The following DCP1B variants were observed in gnomAD, a reference collection of about 807,000 sequenced individuals.
DCP1B encodes the protein mRNA-decapping enzyme 1B.
A neutral mutation model predicts 60.5 loss-of-function variants in DCP1B; 47 were observed. The ratio of observed to expected loss-of-function variants is 0.78; its 90% confidence interval spans 0.61 to 0.99. DCP1B has a LOEUF of 0.99. Among genes scored for constraint, DCP1B ranks in the 50% least tolerant of loss-of-function variants. The probability of loss-of-function intolerance (pLI) is 0.00; values close to 1 mark genes in which losing one functional copy is unlikely to be tolerated. For synonymous variants in DCP1B, 267 were observed against 280.3 expected (o/e 0.95, Z 0.47); for missense variants, 725 against 756.8 (o/e 0.96, Z 0.49).
At position 1,949,139 on chromosome 12, in the gene DCP1B, T is replaced by C; in HGVS notation, c.1720A>G (p.Ser574Gly). Residue 574 changes from serine to glycine, a missense_variant, in exon 8 of 9, where the codon AGC (serine) becomes GGC (glycine). By Grantham distance (56) the Ser-to-Gly change is moderately conservative. Coordinates refer to ENST00000280665, the MANE Select transcript of DCP1B (RefSeq NM_152640.5). The part of the protein sequence containing the change: ...IQSPEPSVIT[S>G]SPLTKLQLQE... ...AGCTGGAGCTTGGTGAGTGGGCTGCTGGTGATCACGGAGGGCTCCGGGCTC... is the reference window on the plus strand; with the variant it reads ...AGCTGGAGCTTGGTGAGTGGGCTGCCGGTGATCACGGAGGGCTCCGGGCTC... 1 of 1,614,124 alleles carries C rather than the reference T, an allele frequency of 6.2e-7. No individual in the cohort carries two copies. The highest frequency in any genetic ancestry group is 8.5e-7 in the Non-Finnish European group (1 of 1,180,012).
At chr12:1,989,199 C>G (rs573280257) in intron 3 of DCP1B, among the ~76,000 whole-genome samples, 10 of 152,188 alleles carry the variant, frequency 6.6e-5, no homozygotes, top group African/African-American at 2.2e-4. Context: ...GCCTGGGAAA[C>G]ACAGCAAGAT....
chr12:1,997,935 C>G lies in DCP1B; in HGVS notation c.191G>C (p.Arg64Thr). The change falls in exon 2 of 9, where the codon AGG becomes ACG. Residue 64 changes from arginine (R) to threonine (T), a missense_variant and splice_region_variant. By Grantham distance (71) the Arg-to-Thr change is moderately conservative. Transcript: ENST00000280665. ...DVEGTLFVYTRSASPKHGFTI... is the reference protein window; with the variant it reads ...DVEGTLFVYTTSASPKHGFTI... ...CTTTATAAAAGTGAAACACTCTTACCTTGTATAAACAAATAAGGTTCCTTC... is the reference window on the plus strand; with the variant it reads ...CTTTATAAAAGTGAAACACTCTTACGTTGTATAAACAAATAAGGTTCCTTC... 6 of 1,605,704 alleles carry G rather than the reference C, an allele frequency of 3.7e-6. No homozygotes were observed. The highest frequency in any genetic ancestry group is 4.3e-6 in the Non-Finnish European group (5 of 1,176,352).
intron 1 of DCP1B, among the ~76,000 whole-genome samples, chr12:1,998,300 A>G (rs1252972771): frequency 1.3e-5 from 2 of 152,260 alleles, no homozygotes; most frequent in African/African-American, 4.8e-5. Context: ...ATTAGAAAGA[A>G]GAGTGCTGCC....
intron 3 of DCP1B, among the ~76,000 whole-genome samples, chr12:1,979,911 A>T (rs557408465): frequency 3.3e-5 from 5 of 152,330 alleles, no homozygotes; most frequent in Admixed American, 6.5e-5. Context: ...GTAAAATGCA[A>T]ATTAAAATCA....
At chr12:1,951,143 C>G (rs2030652792) in intron 7 of DCP1B, among the ~76,000 whole-genome samples, 1 of 152,100 alleles carries the variant, frequency 6.6e-6, no homozygotes, top group African/African-American at 2.4e-5. Flanking sequence ...GGTGTGGTGG[C>G]AGGTGCCTGT....
At chr12:1,949,660 T>C (rs1404475887) in intron 7 of DCP1B, among the ~76,000 whole-genome samples, 2 of 152,240 alleles carry the variant, frequency 1.3e-5, no homozygotes, top group Admixed American at 1.3e-4. Flanking sequence ...TGGTTGTCCA[T>C]GACCCTGACC....
In DCP1B at chr12:1,952,436, G is replaced by A. The variant is rs374995695; in HGVS notation, c.1504C>T (p.Gln502Ter). Residue 502 changes from glutamine to a stop codon, truncating the protein, a stop_gained, in exon 7 of 9, where the codon CAG becomes TAG. Transcript: ENST00000280665. LOFTEE classifies it high-confidence loss of function. ...TTTACCTGGAAAAGAGGAGTCTGCT[G>A]TTCTGTGTTGGGTGTCTTGTTGATC... ...SWINKTPNTE[Q>*]QTPLFQVISP... 6.3e-7 allele frequency: 1 copy of A among 1,598,904 alleles called. No individual in the cohort carries two copies. Among genetic ancestry groups the A allele is most frequent in the Non-Finnish European group, 8.5e-7 (1 of 1,169,946 alleles).
chr12:1,963,228 T>C (rs946048405), intron 5 of DCP1B, among the ~76,000 whole-genome samples: 16 of 152,214 alleles, frequency 1.1e-4, no homozygotes, highest in African/African-American at 3.9e-4. Flanking sequence ...CACTGTCAAG[T>C]TTCTATCAAC....
At chr12:1,989,716 T>C (rs992517887) in intron 3 of DCP1B, among the ~76,000 whole-genome samples, 21 of 152,290 alleles carry the variant, frequency 1.4e-4, no homozygotes, top group African/African-American at 1.2e-4. Flanking sequence ...TCCGTCTCAA[T>C]TGAAAAAGCA....
At chr12:1,964,361 G>A (rs1345765384) in intron 5 of DCP1B, among the ~76,000 whole-genome samples, 1 of 152,012 alleles carries the variant, frequency 6.6e-6, no homozygotes, top group East Asian at 1.9e-4. Flanking sequence ...TCATTCTGGT[G>A]TCAACAATTT....
At chr12:1,985,950 G>T (rs540031602) in intron 3 of DCP1B, among the ~76,000 whole-genome samples, 1 of 152,074 alleles carries the variant, frequency 6.6e-6, no homozygotes, top group Non-Finnish European at 1.5e-5. Flanking sequence ...AGCTGGGACT[G>T]CAGGTGCCTG....
chr12:1,949,764 A>C (rs2030591257), intron 7 of DCP1B, among the ~76,000 whole-genome samples: 1 of 152,148 alleles, frequency 6.6e-6, no homozygotes. Flanking sequence ...CTGTGAGAGC[A>C]ACTCCCCGCC....
At chr12:1,973,547 C>A (rs2033230898) in intron 3 of DCP1B, among the ~76,000 whole-genome samples, 4 of 152,092 alleles carry the variant, frequency 2.6e-5, no homozygotes, top group Admixed American at 2.6e-4. Flanking sequence ...ATAATGGATT[C>A]ATGTTATATC....
chr12:1,985,470 G>A (rs980194493), intron 3 of DCP1B, among the ~76,000 whole-genome samples: 1 of 151,818 alleles, frequency 6.6e-6, no homozygotes, highest in African/African-American at 2.4e-5. Context: ...ACCTATTTTT[G>A]TGCCAAGAAT....
intron 7 of DCP1B, chr12:1,949,995 T>C (rs1456581657): frequency 3.7e-6 from 1 of 270,746 alleles, no homozygotes; most frequent in African/African-American, 2.2e-5. Flanking sequence ...GAAACCAAGT[T>C]TTCTAACAGC....
intron 3 of DCP1B, among the ~76,000 whole-genome samples, chr12:1,985,283 C>T (rs2037376850): frequency 6.6e-6 from 1 of 152,248 alleles, no homozygotes; most frequent in South Asian, 2.1e-4. Context: ...TTTCTGAAGG[C>T]CCTGTTCATT....
At position 1,962,300 on chromosome 12, in the gene DCP1B, T is replaced by C. The variant is rs1002842208; in HGVS notation, c.522+3258A>G. Among the ~76,000 whole-genome samples the C allele has an allele frequency of 6.6e-6, 1 of 152,148 alleles. No individual in the cohort carries two copies. Among genetic ancestry groups the C allele is most frequent in the Non-Finnish European group, 1.5e-5 (1 of 68,032 alleles). ...AGTGTGCATATTAAAGGCGTGCTCC[T>C]GGCCAAGCCCTTTGCTATCTCTGAA... On this transcript the variant is annotated intron_variant, in intron 5 of 8. Transcript: ENST00000280665. The surrounding 1 kb of genome is among the most constrained non-coding windows in gnomAD (Gnocchi z 4.4).
intron 5 of DCP1B, among the ~76,000 whole-genome samples, chr12:1,964,876 C>T (rs113152140): frequency 6.6e-6 from 1 of 152,146 alleles, no homozygotes; most frequent in African/African-American, 2.4e-5. Flanking sequence ...TCCATCCCCC[C>T]ACTCATCTCC....
intron 3 of DCP1B, among the ~76,000 whole-genome samples, chr12:1,981,816 T>C (rs1032965326): frequency 1.3e-5 from 2 of 152,098 alleles, no homozygotes; most frequent in Admixed American, 1.3e-4. Flanking sequence ...TTTTGAAATA[T>C]GAGTAGAATT....
Sources: allele counts gnomAD v4.1 joint callset (sites outside exome capture counted in the v4.1 genomes callset), GRCh38; gene constraint gnomAD v4.1.1; non-coding constraint Gnocchi (gnomAD v3.1); transcripts MANE v1.5; gene names NCBI Gene and HGNC (gene_info 2026-07-23, HGNC 2026-07-21).